Variants in AFF3 observed in about 807,000 individuals in gnomAD.
The protein encoded by AFF3 is AF4/FMR2 family member 3.
Under a neutral mutation model 129.7 loss-of-function variants are expected in AFF3, and 32 were observed. The ratio of observed to expected loss-of-function variants is 0.25; its 90% CI spans 0.19 to 0.33. The LOEUF (loss-of-function observed/expected upper bound fraction) is 0.33. AFF3 is among the 10% of genes least tolerant of loss of function. The probability of loss-of-function intolerance (pLI) is 1.00; values close to 1 mark genes in which losing one functional copy is unlikely to be tolerated. For synonymous variants in AFF3, 644 were observed against 635.4 expected, an observed-to-expected ratio of 1.01 and a Z score of -0.20; for missense variants, 1,373 against 1,592.0, an observed-to-expected ratio of 0.86 and a Z score of 2.34.
chr2:99,773,936 C>T (rs1683690850), intron 8 of AFF3, among the ~76,000 whole-genome samples: 1 of 152,144 alleles, frequency 6.6e-6, no homozygotes. Context: ...ACACCAACAA[C>T]AGGCAAGCTG....
intron 4 of AFF3, among the ~76,000 whole-genome samples, chr2:100,023,144 A>G (rs2104886546): frequency 6.6e-6 from 1 of 152,340 alleles, no homozygotes; most frequent in Non-Finnish European, 1.5e-5. Flanking sequence ...CTCAATTACC[A>G]TTTGTAGAAT....
chr2:99,838,745 T>C (rs1689085945), intron 7 of AFF3, among the ~76,000 whole-genome samples: 1 of 152,176 alleles, frequency 6.6e-6, no homozygotes. Context: ...GGTAGGTGTA[T>C]GAATAAATGA....
chr2:99,609,920 G>T (rs915962921), intron 13 of AFF3, among the ~76,000 whole-genome samples: 2 of 152,140 alleles, frequency 1.3e-5, no homozygotes, highest in South Asian at 2.1e-4. Flanking sequence ...CAAAAGAAGT[G>T]AAACAGCCAG....
intron 4 of AFF3, among the ~76,000 whole-genome samples, chr2:100,059,200 C>T (rs1008607737): frequency 7.7e-6 from 1 of 130,672 alleles, no homozygotes; most frequent in Non-Finnish European, 1.5e-5. Flanking sequence ...CTACAGTGAA[C>T]CAAGATCGTG....
intron 7 of AFF3, among the ~76,000 whole-genome samples, chr2:99,858,939 A>G (rs1690756119): frequency 6.6e-6 from 1 of 152,254 alleles, no homozygotes; most frequent in African/African-American, 2.4e-5. Context: ...TCTAAGCCCC[A>G]GAATTTTGGT....
At chr2:99,557,426 C>T (rs1675037751) in intron 22 of AFF3, among the ~76,000 whole-genome samples, 1 of 152,038 alleles carries the variant, frequency 6.6e-6, no homozygotes, top group South Asian at 2.1e-4. Flanking sequence ...ATTACAGATG[C>T]CTGCCACCAC....
intron 13 of AFF3, among the ~76,000 whole-genome samples, chr2:99,631,689 C>G (rs1430250325): frequency 2.0e-5 from 3 of 152,200 alleles, no homozygotes; most frequent in Non-Finnish European, 4.4e-5. Flanking sequence ...GAATCTCCTT[C>G]TTTTGTAATG....
chr2:100,056,337 G>A (rs934750127), intron 4 of AFF3, among the ~76,000 whole-genome samples: 1 of 152,128 alleles, frequency 6.6e-6, no homozygotes, highest in Non-Finnish European at 1.5e-5. Flanking sequence ...CTTATTATAT[G>A]TTCACAAACG....
At chr2:99,827,378 G>C (rs149134163) in intron 8 of AFF3, among the ~76,000 whole-genome samples, 1 of 152,270 alleles carries the variant, frequency 6.6e-6, no homozygotes, top group Non-Finnish European at 1.5e-5. Flanking sequence ...GTGTGACAGA[G>C]ACACCAAGGG....
intron 4 of AFF3, among the ~76,000 whole-genome samples, chr2:100,048,652 C>T (rs1686034433): frequency 6.6e-6 from 1 of 152,194 alleles, no homozygotes; most frequent in Admixed American, 6.5e-5. Flanking sequence ...GGAAATCTTT[C>T]ACTCATGAGT....
chr2:99,650,762 ATTTGTT>A (rs1558698937), intron 12 of AFF3, among the ~76,000 whole-genome samples: 1 of 147,736 alleles, frequency 6.8e-6, no homozygotes. Flanking sequence ...AAATGTATTG[ATTTGTT>A]TTTTGTTTTT....
At chr2:99,999,371 C>T (rs1681169802) in intron 7 of AFF3, among the ~76,000 whole-genome samples, 1 of 152,208 alleles carries the variant, frequency 6.6e-6, no homozygotes, top group African/African-American at 2.4e-5. Flanking sequence ...GTGGGGAGCA[C>T]CTTCTTTCAT....
intron 7 of AFF3, among the ~76,000 whole-genome samples, chr2:99,981,662 C>A (rs1480328929): frequency 6.6e-6 from 1 of 152,136 alleles, no homozygotes; most frequent in Admixed American, 6.5e-5. Flanking sequence ...TGTGAATTGT[C>A]TGCTCAGGAC....
At chr2:100,116,475 T>C (rs566268145) in intron 2 of AFF3, among the ~76,000 whole-genome samples, 1 of 152,304 alleles carries the variant, frequency 6.6e-6, no homozygotes, top group Admixed American at 6.5e-5. Flanking sequence ...TATTGTCCTA[T>C]GTTCCTTCTC....
chr2:100,030,033 C>T lies in AFF3; in HGVS notation c.54-21101G>A, dbSNP rs888517852. ...AGTGAGCTGAGATCATGCCACTGCA[C>T]GCCATCCTGGGCGAGAGAGCAAGAC... On this transcript the variant is annotated intron_variant, in intron 4 of 24. Coordinates refer to ENST00000672756, the MANE Select transcript of AFF3 (RefSeq NM_001386135.1). Among the ~76,000 whole-genome samples the T allele has an allele frequency of 3.3e-5, 5 of 151,880 alleles. No individual in the cohort carries two copies. The East Asian group carries it at 5.8e-4, about 18-fold the overall frequency.
At chr2:100,109,717 A>G (rs971555429) in intron 2 of AFF3, 8 of 152,216 alleles carry the variant, frequency 5.3e-5, no homozygotes, top group Non-Finnish European at 1.0e-4. Context: ...GTGCTGTTCT[A>G]AAGTATCAAC....
At chr2:99,968,846 C>T (rs1163073166) in intron 7 of AFF3, among the ~76,000 whole-genome samples, 2 of 152,230 alleles carry the variant, frequency 1.3e-5, no homozygotes, top group African/African-American at 2.4e-5. Flanking sequence ...CTCTACCTCT[C>T]TTTGCTCCCC....
chr2:99,611,742 C>G (rs955937281), intron 13 of AFF3, among the ~76,000 whole-genome samples: 1 of 152,098 alleles, frequency 6.6e-6, no homozygotes, highest in Non-Finnish European at 1.5e-5. Context: ...CAAAAATTAG[C>G]TGGGTGTGGT....
chr2:100,024,840 G>A (rs1683907647), intron 4 of AFF3, among the ~76,000 whole-genome samples: 1 of 151,916 alleles, frequency 6.6e-6, no homozygotes, highest in African/African-American at 2.4e-5. Context: ...ATAATCTCTT[G>A]TACATAAAAT....
Sources: allele counts gnomAD v4.1 joint callset (sites outside exome capture counted in the v4.1 genomes callset), GRCh38; gene constraint gnomAD v4.1.1; transcripts MANE v1.5; gene names NCBI Gene and HGNC (gene_info 2026-07-23, HGNC 2026-07-21).